The following OSCP1 variants were observed in gnomAD, a reference collection of about 807,000 sequenced individuals.
OSCP1 encodes the protein protein OSCP1.
A neutral mutation model predicts 45.1 loss-of-function variants in OSCP1; 35 were observed. The ratio of observed to expected loss-of-function variants is 0.78; its 90% confidence interval spans 0.59 to 1.03. The LOEUF (loss-of-function observed/expected upper bound fraction) is 1.03, where lower values mean the gene tolerates loss of function less well. Among genes scored for constraint, OSCP1 ranks in the 50% least tolerant of loss-of-function variants. OSCP1 has a pLI of 0.00. For missense variants in OSCP1, 400 were observed against 470.7 expected (o/e 0.85, Z 1.39); for synonymous variants, 179 against 180.1 (o/e 0.99, Z 0.05).
At chr1:36,433,528 AAACT>A (rs1372158112) in intron 2 of OSCP1, among the ~76,000 whole-genome samples, 2 of 152,098 alleles carry the variant, frequency 1.3e-5, no homozygotes, top group East Asian at 1.9e-4. Context: ...AAGGGCTGAA[AAACT>A]AACTATTGGG....
At chr1:36,443,940 C>T (rs1237946847) in intron 1 of OSCP1, 84 of 1,544,276 alleles carry the variant, frequency 5.4e-5, no homozygotes, top group Non-Finnish European at 5.9e-5. Flanking sequence ...TTAAGCCCTG[C>T]TGATAAAGGC....
At chr1:36,429,170 G>C (rs1455228250) in intron 4 of OSCP1, among the ~76,000 whole-genome samples, 1 of 152,048 alleles carries the variant, frequency 6.6e-6, no homozygotes, top group Non-Finnish European at 1.5e-5. Flanking sequence ...CAGATTGCTT[G>C]AGCTCAGGAG....
Position 36,450,439 on chromosome 1 carries a change from G to A in OSCP1, c.-70C>T, listed in dbSNP as rs1171445066. 6.2e-6 allele frequency: 8 copies of A among 1,296,092 alleles called. No homozygotes were observed. Among genetic ancestry groups the A allele is most frequent in the Non-Finnish European group, 8.9e-6 (8 of 898,644 alleles). The allele number at this position is 1,296,092 out of a possible 1,614,324, so 80.3% of individuals were successfully genotyped here. A position where few individuals can be genotyped will look rare whatever the true frequency, so the allele number is the denominator to read the frequency against. On this transcript the variant is annotated 5_prime_UTR_variant, in exon 1 of 10. Coordinates refer to ENST00000235532, the MANE Select transcript of OSCP1 (RefSeq NM_145047.5). Reference sequence around the variant, plus strand: ...TAGCCAGTGGCCTGAAGGCCAGGCCGCAGCGTCCCAATAGTCCGGTTGCTG... The same window carrying A: ...TAGCCAGTGGCCTGAAGGCCAGGCCACAGCGTCCCAATAGTCCGGTTGCTG...
At chr1:36,418,940 A>G (rs1343095959) in intron 9 of OSCP1, 51 bp downstream of exon 9, 12 of 1,461,578 alleles carry the variant, frequency 8.2e-6, no homozygotes, top group Non-Finnish European at 9.5e-6. Flanking sequence ...AAAAAAAAAA[A>G]AAGATGAGGA....
chr1:36,419,935 C>T (rs980189888), intron 8 of OSCP1, among the ~76,000 whole-genome samples: 1 of 151,762 alleles, frequency 6.6e-6, no homozygotes, highest in African/African-American at 2.4e-5. Flanking sequence ...GCCTCAACCT[C>T]GTGGGTAGCT....
At chr1:36,418,442 TAATC>T (rs1647406296) in intron 9 of OSCP1, 187 bp from the exon 10 acceptor site, 2 of 609,606 alleles carry the variant, frequency 3.3e-6, no homozygotes, top group Non-Finnish European at 5.8e-6. Flanking sequence ...TTTTTTTTCT[TAATC>T]AACATGTATG....
intron 2 of OSCP1, 142 bp from the exon 3 acceptor site, chr1:36,432,731 C>T (rs61772386): frequency 0.2 from 185,716 of 908,608 alleles, 20,483 homozygotes; most frequent in East Asian, 0.29. Flanking sequence ...TCACTTATCA[C>T]CCAAACCAAG....
At chr1:36,449,427 A>T (rs377382686) in intron 1 of OSCP1, among the ~76,000 whole-genome samples, 24 of 85,886 alleles carry the variant, frequency 2.8e-4, no homozygotes, top group East Asian at 1.8e-3. Flanking sequence ...TAACTTTCTT[A>T]TTTTTTTCAT....
intron 4 of OSCP1, among the ~76,000 whole-genome samples, chr1:36,429,510 C>G (rs976386932): frequency 7.0e-6 from 1 of 143,200 alleles, no homozygotes; most frequent in Middle Eastern, 3.6e-3. Context: ...CCAAGAGAGA[C>G]ACATTCAAAA....
In OSCP1 at chr1:36,438,769, G is replaced by A; in HGVS notation, c.254C>T (p.Ala85Val). ...AHASIMKLNQASMDKLYDLMT... is the reference protein window; with the variant it reads ...AHASIMKLNQVSMDKLYDLMT... The stretch of plus-strand genomic sequence containing the variant: ...CTGTCTGCTCACCTTATCCATGCTG[G>A]CCTGGTTCAGTTTCATAATGGAGGC... The change falls in exon 2 of 10, where the codon GCC becomes GTC. Residue 85 changes from alanine to valine, a missense_variant. Coordinates refer to ENST00000235532, the MANE Select transcript of OSCP1 (RefSeq NM_145047.5). 1 of 1,611,404 alleles carries A rather than the reference G, an allele frequency of 6.2e-7. No individual in the cohort carries two copies. The highest frequency in any genetic ancestry group is 8.5e-7 in the Non-Finnish European group (1 of 1,178,916).
At chr1:36,418,378 C>A in intron 9 of OSCP1, 123 bp from the exon 10 acceptor site, 2 of 762,548 alleles carry the variant, frequency 2.6e-6, no homozygotes, top group Non-Finnish European at 4.4e-6. Flanking sequence ...ACCTGTTTGT[C>A]AGAAAAGGGA....
At chr1:36,428,270 A>G in intron 4 of OSCP1, 1 of 1,533,058 alleles carries the variant, frequency 6.5e-7, no homozygotes, top group Non-Finnish European at 8.8e-7. Flanking sequence ...CATGGAAGGG[A>G]AATACAATAA....
chr1:36,419,259 G>A, intron 8 of OSCP1: 1 of 556,124 alleles, frequency 1.8e-6, no homozygotes, highest in South Asian at 2.5e-5. Context: ...CACATTATAA[G>A]CCCTGCCAAG....
At chr1:36,449,032 C>T (rs1277993774) in intron 1 of OSCP1, among the ~76,000 whole-genome samples, 1 of 152,172 alleles carries the variant, frequency 6.6e-6, no homozygotes, top group Non-Finnish European at 1.5e-5. Flanking sequence ...CATGGACTTG[C>T]ACTCAGTCAC....
chr1:36,447,818 G>A lies in OSCP1; in HGVS notation c.112+2440C>T, dbSNP rs1475317603. ...GGACTGATCAATAGCCCTACCTCCA[G>A]TGAATGTCCAGAAGGGCTGCATCAG... On this transcript the variant is annotated intron_variant, in intron 1 of 9. Coordinates refer to ENST00000235532, the MANE Select transcript of OSCP1 (RefSeq NM_145047.5). This position sits in a 1 kb window ranked among gnomAD's most constrained non-coding sequence, Gnocchi z 4.1. The A allele has an allele frequency of 2.4e-5, 10 of 420,232 alleles. No homozygotes were observed. Among genetic ancestry groups the A allele is most frequent in the Non-Finnish European group, 4.9e-6 (1 of 203,842 alleles). The allele number at this position is 420,232 out of a possible 1,614,324, so 26.0% of individuals were successfully genotyped here.
intron 7 of OSCP1, among the ~76,000 whole-genome samples, chr1:36,421,066 C>T (rs1647591019): frequency 6.6e-6 from 1 of 152,124 alleles, no homozygotes; most frequent in Non-Finnish European, 1.5e-5. Context: ...CTGCCTCATC[C>T]TGTACCCCTC....
At chr1:36,436,405 C>T (rs774321847) in intron 2 of OSCP1, among the ~76,000 whole-genome samples, 16 of 151,902 alleles carry the variant, frequency 1.1e-4, no homozygotes, top group South Asian at 4.2e-4. Flanking sequence ...CCACCGCGCC[C>T]GGCCCTCTCT....
rs137939747 is a variant in OSCP1, at chr1:36,441,573, C to A, written c.113-2663G>T. Among the ~76,000 whole-genome samples, 17 of 151,236 alleles carry A rather than the reference C, an allele frequency of 1.1e-4. No individual in the cohort carries two copies. The East Asian group carries it at 3.4e-3, about 30-fold the overall frequency. On this transcript the variant is annotated intron_variant, in intron 1 of 9. Coordinates refer to ENST00000235532, the MANE Select transcript of OSCP1 (RefSeq NM_145047.5). ...ACCATCCTGGCTAACGCTGTGAAAC[C>A]CCGTCTCCACTAAAAAAAAATACAA...
At chr1:36,418,902 G>A in intron 9 of OSCP1, 89 bp downstream of exon 9, 1 of 1,119,072 alleles carries the variant, frequency 8.9e-7, no homozygotes, top group Admixed American at 1.9e-5. Flanking sequence ...CACTTCACCT[G>A]GGTGACAGAG....
Sources: gnomAD v4.1 joint callset for allele counts (sites outside exome capture counted in the v4.1 genomes callset) on GRCh38, gnomAD v4.1.1 for gene constraint, Gnocchi (gnomAD v3.1) non-coding constraint, MANE v1.5 for transcripts, NCBI Gene and HGNC (gene_info 2026-07-23, HGNC 2026-07-21) for gene names.